Variants in GTF2H1 observed in about 807,000 individuals in gnomAD.
The protein encoded by GTF2H1 is general transcription factor IIH subunit 1.
A neutral mutation model predicts 71.2 loss-of-function variants in GTF2H1; 16 were observed. The observed-to-expected ratio is 0.22, with a 90% CI of 0.15 to 0.34. The LOEUF (loss-of-function observed/expected upper bound fraction) is 0.34, where lower values mean the gene tolerates loss of function less well. Ranked by LOEUF, GTF2H1 falls within the 10% of genes least tolerant of loss-of-function variation. The probability of loss-of-function intolerance (pLI) is 1.00; values close to 1 mark genes in which losing one functional copy is unlikely to be tolerated. For missense variants in GTF2H1, 498 were observed against 648.2 expected, an observed-to-expected ratio of 0.77 and a Z score of 2.52; for synonymous variants, 215 against 219.0, an observed-to-expected ratio of 0.98 and a Z score of 0.16.
chr11:18,341,929 AT>A (rs1865166467), intron 7 of GTF2H1: 1 of 186,694 alleles, frequency 5.4e-6, no homozygotes, highest in Non-Finnish European at 1.1e-5. Flanking sequence ...CTAAAGAAAT[AT>A]GGATAAATTA....
rs1281059817 is a variant in GTF2H1, at chr11:18,366,161, T to G, written c.*292T>G. On this transcript the variant is annotated 3_prime_UTR_variant, in exon 15 of 15. Coordinates refer to ENST00000265963, the MANE Select transcript of GTF2H1 (RefSeq NM_005316.4). ...TACATGTGTATGTACATATATATTT[T>G]AAAAGACTGTTTACTGCAGTTGCTC... 3.5e-5 allele frequency: 11 copies of G among 310,606 alleles called. No homozygotes were observed. The highest frequency in any genetic ancestry group is 1.5e-4 in the Admixed American group (3 of 20,362). 19.2% of individuals were successfully genotyped at this position (310,606 alleles called of 1,614,324 possible).
intron 1 of GTF2H1, among the ~76,000 whole-genome samples, chr11:18,327,241 C>T (rs1292755538): frequency 1.4e-5 from 2 of 147,916 alleles, no homozygotes; most frequent in African/African-American, 4.9e-5. Flanking sequence ...CTTGGGAAGA[C>T]TTTTTTTTTT....
intron 7 of GTF2H1, 77 bp from the exon 8 acceptor site, chr11:18,347,511 T>C: frequency 9.3e-7 from 1 of 1,071,740 alleles, no homozygotes; most frequent in Non-Finnish European, 1.3e-6. Flanking sequence ...ATCCAGCAAA[T>C]TTTTTCAGCT....
intron 14 of GTF2H1, among the ~76,000 whole-genome samples, chr11:18,361,558 A>G (rs1482626717): frequency 1.3e-5 from 2 of 152,140 alleles, no homozygotes; most frequent in African/African-American, 4.8e-5. Context: ...AGTCCCAGCT[A>G]CTCGGGAGGC....
chr11:18,331,915 G>T (rs1365919020), intron 1 of GTF2H1, among the ~76,000 whole-genome samples: 5 of 152,086 alleles, frequency 3.3e-5, no homozygotes, highest in Non-Finnish European at 5.9e-5. Flanking sequence ...GTTGGAGTAC[G>T]GTGTGGTGAT....
rs932863146 is a variant in GTF2H1, at chr11:18,354,929, C to T, written c.1260+2483C>T. ...GCTCAAGCGATCCTCCCACCTCAGC[C>T]CCCCAAGTAGCTGAAACCACAGGCA... is the stretch of plus-strand genomic sequence containing the variant. On this transcript the variant is annotated intron_variant, in intron 11 of 14. Coordinates refer to ENST00000265963, the MANE Select transcript of GTF2H1 (RefSeq NM_005316.4). Among the ~76,000 whole-genome samples, 4 of 151,914 alleles carry T rather than the reference C, an allele frequency of 2.6e-5. No homozygotes were observed. In the East Asian group the frequency reaches 7.8e-4, roughly 30 times the overall value.
chr11:18,347,747 G>A (rs376687920), intron 8 of GTF2H1, 32 bp downstream of exon 8: 1 of 1,606,466 alleles, frequency 6.2e-7, no homozygotes, highest in Non-Finnish European at 8.5e-7. Flanking sequence ...GCAGTAACTG[G>A]GCTTTTCAGG....
chr11:18,331,164 C>A (rs1378990544), intron 1 of GTF2H1, among the ~76,000 whole-genome samples: 1 of 152,110 alleles, frequency 6.6e-6, no homozygotes, highest in Non-Finnish European at 1.5e-5. Flanking sequence ...TCTCCTGATT[C>A]TCCCGCTTCA....
In GTF2H1 at chr11:18,347,698, A is replaced by C. The variant is rs772791212; in HGVS notation, c.948A>C (p.Ala316=). 11 of 1,613,626 alleles carry C rather than the reference A, an allele frequency of 6.8e-6. No individual in the cohort carries two copies. Among genetic ancestry groups the C allele is most frequent in the Non-Finnish European group, 9.3e-6 (11 of 1,179,790 alleles). Residue 316 remains alanine (A), a synonymous_variant, in exon 8 of 15, where the codon GCA becomes GCC. Transcript: ENST00000265963. ...ACCATCACAGTGCCATGGTCCTGGC[A>C]GCTGGACTCAGAAAACAGTTAAGTA... The part of the protein sequence containing the change: ...RFNHHSAMVL[A]AGLRKQEAQN...
intron 11 of GTF2H1, among the ~76,000 whole-genome samples, chr11:18,352,826 A>C (rs899975405): frequency 6.6e-6 from 1 of 152,234 alleles, no homozygotes; most frequent in Admixed American, 6.5e-5. Context: ...TCAGTTGATC[A>C]GCAATTTGTC....
rs1383222973 is a variant in GTF2H1 at position 18,339,578 on chromosome 11, C to G, written c.528C>G (p.Pro176=). 6.2e-7 allele frequency: 1 copy of G among 1,612,874 alleles called. No homozygotes were observed. Among genetic ancestry groups the G allele is most frequent in the Non-Finnish European group, 8.5e-7 (1 of 1,179,014 alleles). The change falls in exon 5 of 15, where the codon CCC becomes CCG. Residue 176 remains proline (P), a synonymous_variant. Transcript: ENST00000265963. The part of the protein sequence containing the change: ...ISAAFLADVR[P]QTDGCNGLRY... ...CTTTGTTTTAGGCTGATGTCCGGCC[C>G]CAAACTGATGGCTGTAACGGTCTAA...
intron 1 of GTF2H1, chr11:18,332,836 G>A: frequency 2.7e-6 from 1 of 371,232 alleles, no homozygotes; most frequent in East Asian, 4.6e-5. Context: ...TATAAGTATT[G>A]TATAAATTTA....
rs1289470519 is a variant in GTF2H1 at position 18,339,589 on chromosome 11, G to A, written c.539G>A (p.Gly180Asp). 1.2e-6 allele frequency: 2 copies of A among 1,613,400 alleles called. No individual in the cohort carries two copies. The highest frequency in any genetic ancestry group is 1.7e-5 in the Admixed American group (1 of 60,006). ...GCTGATGTCCGGCCCCAAACTGATGGCTGTAACGGTCTAAGATATAATTTA... is the reference window on the plus strand; with the variant it reads ...GCTGATGTCCGGCCCCAAACTGATGACTGTAACGGTCTAAGATATAATTTA... ...FLADVRPQTD[G>D]CNGLRYNLTS... The change falls in exon 5 of 15, where the codon GGC becomes GAC. Residue 180 changes from glycine (G) to aspartate (D), a missense_variant. By Grantham distance (94) the Gly-to-Asp change is moderately conservative. Around this residue, in one of 3 missense-constraint regions of GTF2H1, gnomAD observed 216 missense variants for 306.2 expected, o/e 0.71. Transcript: ENST00000265963.
At chr11:18,360,852 C>A in intron 14 of GTF2H1, 145 bp downstream of exon 14, 2 of 550,816 alleles carry the variant, frequency 3.6e-6, no homozygotes. Flanking sequence ...GTCGCCCAGG[C>A]TGGAGTACAG....
chr11:18,326,327 G>T (rs1370094081), intron 1 of GTF2H1, among the ~76,000 whole-genome samples: 1 of 152,046 alleles, frequency 6.6e-6, no homozygotes, highest in Non-Finnish European at 1.5e-5. Context: ...TTTGAGACCA[G>T]CCTGGCCAAC....
intron 11 of GTF2H1, among the ~76,000 whole-genome samples, chr11:18,356,150 G>A (rs911081386): frequency 1.3e-5 from 2 of 152,064 alleles, no homozygotes; most frequent in African/African-American, 2.4e-5. Context: ...TTGGGAGGCC[G>A]AGGCACGCAG....
chr11:18,333,218 A>C lies in GTF2H1; in HGVS notation c.144A>C (p.Ala48=), dbSNP rs778155338. The C allele has an allele frequency of 1.7e-5, 27 of 1,610,036 alleles. No individual in the cohort carries two copies. The highest frequency in any genetic ancestry group is 2.3e-5 in the Non-Finnish European group (27 of 1,177,970). Residue 48 remains alanine, a synonymous_variant, in exon 2 of 15, where the codon GCA becomes GCC. Transcript: ENST00000265963. ...KDRFTISHMY[A]DIKCQKISPE... Reference sequence around the variant, plus strand: ...GATTTACAATCAGCCATATGTATGCAGATATTAAATGTAAGTCAGCTATAC... The same window carrying C: ...GATTTACAATCAGCCATATGTATGCCGATATTAAATGTAAGTCAGCTATAC...
intron 11 of GTF2H1, among the ~76,000 whole-genome samples, chr11:18,354,787 C>CT (rs1184814779): frequency 1.3e-5 from 2 of 151,990 alleles, no homozygotes; most frequent in African/African-American, 2.4e-5. Context: ...CTGTTGCTAT[C>CT]TTTTTTTCTT....
intron 2 of GTF2H1, among the ~76,000 whole-genome samples, 182 bp from the exon 3 acceptor site, chr11:18,335,572 A>G (rs944769691): frequency 6.6e-6 from 1 of 152,224 alleles, no homozygotes; most frequent in African/African-American, 2.4e-5. Flanking sequence ...AGTGAGTTTG[A>G]TGAGCATGCT....
Sources: gnomAD v4.1 joint callset for allele counts (sites outside exome capture counted in the v4.1 genomes callset) on GRCh38, gnomAD v4.1.1 for gene constraint, gnomAD v4.1.1 regional missense constraint, MANE v1.5 for transcripts, NCBI Gene and HGNC (gene_info 2026-07-23, HGNC 2026-07-21) for gene names.